The following MBD5 variants were observed in gnomAD, a reference collection of about 807,000 sequenced individuals.
The protein encoded by MBD5 is methyl-CpG binding domain protein 5.
A neutral mutation model predicts 117.3 loss-of-function variants in MBD5; 13 were observed. That is an observed-to-expected ratio of 0.11 (90% CI 0.07 to 0.18). The LOEUF (loss-of-function observed/expected upper bound fraction) is 0.18. Ranked by LOEUF, MBD5 falls within the 10% of genes least tolerant of loss-of-function variation. The pLI is 1.00. For synonymous variants in MBD5, 727 were observed against 766.4 expected, an observed-to-expected ratio of 0.95 and a Z score of 0.85; for missense variants, 1,879 against 2,093.8, an observed-to-expected ratio of 0.90 and a Z score of 2.00.
chr2:148,304,901 T>C (rs1046889449), intron 3 of MBD5, among the ~76,000 whole-genome samples: 12 of 151,792 alleles, frequency 7.9e-5, no homozygotes, highest in African/African-American at 2.9e-4. Context: ...CCGTCTCTAC[T>C]AAAAATACAA....
intron 3 of MBD5, among the ~76,000 whole-genome samples, chr2:148,294,501 G>GTTTTTTTTTGTTTGTT (rs1553496238): frequency 8.8e-6 from 1 of 113,216 alleles, no homozygotes; most frequent in African/African-American, 3.7e-5. Context: ...TGGGATTACA[G>GTTTTTTTTTGTTTGTT]TTTTTTTTTT....
At chr2:148,305,060 G>A (rs149636799) in intron 3 of MBD5, among the ~76,000 whole-genome samples, 2,393 of 143,018 alleles carry the variant, frequency 0.017, 76 homozygotes, top group Admixed American at 0.084. Context: ...GCGAGACTCC[G>A]TCTCAAAAAA....
At chr2:148,432,943 A>T (rs935267298) in intron 4 of MBD5, among the ~76,000 whole-genome samples, 24 of 152,142 alleles carry the variant, frequency 1.6e-4, no homozygotes, top group African/African-American at 5.6e-4. Context: ...TTAAATCTGT[A>T]AATTGTTTTC....
At chr2:148,462,730 T>C (rs1402784554) in intron 6 of MBD5, 46 bp downstream of exon 6, 1 of 1,225,052 alleles carries the variant, frequency 8.2e-7, no homozygotes, top group East Asian at 2.3e-5. Context: ...ATTTTTTAGG[T>C]ATTTTGTATA....
chr2:148,219,039 T>G (rs1378465503), intron 2 of MBD5, among the ~76,000 whole-genome samples: 5 of 152,226 alleles, frequency 3.3e-5, no homozygotes, highest in African/African-American at 1.2e-4. Flanking sequence ...TTGTTTAACT[T>G]CTTGATGCTT....
At chr2:148,031,112 A>G (rs1362646788) in intron 1 of MBD5, among the ~76,000 whole-genome samples, 2 of 152,182 alleles carry the variant, frequency 1.3e-5, no homozygotes, top group East Asian at 3.9e-4. Flanking sequence ...TATTATTTTA[A>G]TCAGTGATCC....
rs1681257859 is a variant in MBD5, at chr2:148,484,075, C to G, written c.3484C>G (p.Leu1162Val). The G allele has an allele frequency of 6.5e-7, 1 of 1,546,176 alleles. No individual in the cohort carries two copies. Among genetic ancestry groups the G allele is most frequent in the African/African-American group, 1.4e-5 (1 of 73,038 alleles). ...NAGNTPGPAK[L>V]NSNSVVPQLL... ...TGGGAATACACCTGGTCCAGCTAAA[C>G]TCAACAGTAACTCTGTGGTGCCACA... The change falls in exon 9 of 14, where the codon CTC becomes GTC. Residue 1162 changes from leucine (L) to valine (V), a missense_variant. Physicochemically the swap from Leu to Val is conservative, Grantham distance 32. This residue lies in a region of MBD5 where 1,666 missense variants were observed against 1,792.2 expected (regional missense o/e 0.93). Coordinates refer to ENST00000642680, the MANE Select transcript of MBD5 (RefSeq NM_001378120.1).
chr2:148,251,353 CATA>C (rs1482938303), intron 3 of MBD5, among the ~76,000 whole-genome samples: 8 of 152,098 alleles, frequency 5.3e-5, no homozygotes, highest in Non-Finnish European at 4.4e-5. Context: ...AGTTAAATGT[CATA>C]ATAAGAAAGC....
chr2:148,472,659 G>A lies in MBD5; in HGVS notation c.2518+2198G>A, dbSNP rs1444047987. 3.3e-5 allele frequency among the ~76,000 whole-genome samples: 5 copies of A among 151,962 alleles called. No homozygotes were observed. In the East Asian group the frequency reaches 5.8e-4, roughly 18 times the overall value. The stretch of plus-strand genomic sequence containing the variant: ...ACATTTATTCATTCATCAAATAACC[G>A]TTGAGCCTTAAAGGTAGGCATTCAG... On this transcript the variant is annotated intron_variant, in intron 8 of 13. Coordinates refer to ENST00000642680, the MANE Select transcript of MBD5 (RefSeq NM_001378120.1).
intron 1 of MBD5, among the ~76,000 whole-genome samples, chr2:148,033,542 C>T (rs968382219): frequency 2.6e-5 from 4 of 152,068 alleles, no homozygotes; most frequent in Admixed American, 6.5e-5. Flanking sequence ...AATTAACAAT[C>T]TAATAACTGA....
chr2:148,368,138 A>G (rs555053846), intron 4 of MBD5, among the ~76,000 whole-genome samples: 1 of 152,320 alleles, frequency 6.6e-6, no homozygotes, highest in South Asian at 2.1e-4. Flanking sequence ...ATGGGATACT[A>G]TGCAGCCATT....
At chr2:148,393,742 A>G (rs1334472328) in intron 4 of MBD5, among the ~76,000 whole-genome samples, 2 of 152,128 alleles carry the variant, frequency 1.3e-5, no homozygotes, top group Non-Finnish European at 2.9e-5. Flanking sequence ...TTTCTAGTTT[A>G]CCAACTTTGA....
chr2:148,189,122 G>T (rs568309398), intron 2 of MBD5, among the ~76,000 whole-genome samples: 1 of 145,098 alleles, frequency 6.9e-6, no homozygotes, highest in Non-Finnish European at 1.5e-5. Flanking sequence ...ACGGAATCTC[G>T]CTGATTGCTA....
At chr2:148,388,852 A>G (rs751394211) in intron 4 of MBD5, among the ~76,000 whole-genome samples, 2 of 152,092 alleles carry the variant, frequency 1.3e-5, no homozygotes, top group Non-Finnish European at 1.5e-5. Context: ...CAAAATTATT[A>G]TAATTTCAGG....
At chr2:148,313,698 C>A (rs1702090030) in intron 3 of MBD5, among the ~76,000 whole-genome samples, 1 of 152,204 alleles carries the variant, frequency 6.6e-6, no homozygotes. Flanking sequence ...TGAACAAAAT[C>A]TCCTGCAGCT....
At chr2:148,497,436 C>T (rs1203016063) in intron 11 of MBD5, among the ~76,000 whole-genome samples, 1 of 151,972 alleles carries the variant, frequency 6.6e-6, no homozygotes, top group African/African-American at 2.4e-5. Context: ...ACCTATGATC[C>T]CAGTGCTTTG....
At chr2:148,399,569 T>G (rs10192814) in intron 4 of MBD5, among the ~76,000 whole-genome samples, 77,543 of 151,868 alleles carry the variant, frequency 0.51, 20,101 homozygotes, top group East Asian at 0.75. Context: ...ACGATGGGGT[T>G]TTCTAGATAT....
At chr2:148,035,802 T>C (rs1230521527) in intron 1 of MBD5, among the ~76,000 whole-genome samples, 1 of 152,136 alleles carries the variant, frequency 6.6e-6, no homozygotes, top group African/African-American at 2.4e-5. Flanking sequence ...ATTAGTAAAA[T>C]GGGCCTAGTC....
chr2:148,052,438 G>A (rs1694738049), intron 1 of MBD5, among the ~76,000 whole-genome samples: 1 of 151,926 alleles, frequency 6.6e-6, no homozygotes, highest in African/African-American at 2.4e-5. Flanking sequence ...TCGAACTCTC[G>A]ATCTCAGGTG....
Sources: gnomAD v4.1 joint callset for allele counts (sites outside exome capture counted in the v4.1 genomes callset) on GRCh38, gnomAD v4.1.1 for gene constraint, gnomAD v4.1.1 regional missense constraint, MANE v1.5 for transcripts, NCBI Gene and HGNC (gene_info 2026-07-23, HGNC 2026-07-21) for gene names.